Variants in DTNA observed in about 807,000 individuals in gnomAD.
DTNA encodes the protein dystrophin-related protein 3.
Under a neutral mutation model 100.7 loss-of-function variants are expected in DTNA, and 43 were observed. The ratio of observed to expected loss-of-function variants is 0.43; its 90% CI spans 0.33 to 0.55. The LOEUF (loss-of-function observed/expected upper bound fraction) is 0.55, where lower values mean the gene tolerates loss of function less well. Ranked by LOEUF, DTNA falls within the 20% of genes least tolerant of loss-of-function variation. DTNA has a pLI of 0.04. For synonymous variants in DTNA, 349 were observed against 347.9 expected (o/e 1.00, Z -0.04); for missense variants, 798 against 953.9 (o/e 0.84, Z 2.15).
chr18:34,668,794 T>A (rs1478825652), intron 1 of DTNA, among the ~76,000 whole-genome samples: 7 of 151,474 alleles, frequency 4.6e-5, no homozygotes, highest in Non-Finnish European at 1.5e-5. Flanking sequence ...TGAGAGACAG[T>A]TTGTTATAAT....
intron 1 of DTNA, among the ~76,000 whole-genome samples, chr18:34,628,986 T>C (rs1209556194): frequency 2.0e-5 from 3 of 152,168 alleles, no homozygotes; most frequent in Non-Finnish European, 4.4e-5. Flanking sequence ...AATCTAACAC[T>C]GTACCCACAT....
chr18:34,631,187 A>C (rs2058039458), intron 1 of DTNA, among the ~76,000 whole-genome samples: 1 of 152,200 alleles, frequency 6.6e-6, no homozygotes, highest in Admixed American at 6.6e-5. Flanking sequence ...TCAGATTATA[A>C]TTCTACCACT....
intron 1 of DTNA, among the ~76,000 whole-genome samples, chr18:34,711,722 G>A (rs1174079397): frequency 6.6e-5 from 10 of 151,942 alleles, no homozygotes; most frequent in South Asian, 4.1e-4. Flanking sequence ...GATTTTCGTC[G>A]CTATTTCCTT....
At chr18:34,803,083 G>A (rs1405421923) in intron 4 of DTNA, among the ~76,000 whole-genome samples, 1 of 152,116 alleles carries the variant, frequency 6.6e-6, no homozygotes, top group Admixed American at 6.5e-5. Flanking sequence ...TCCAGTGCCT[G>A]GGATAAGCAA....
chr18:34,631,168 C>T (rs528896725), intron 1 of DTNA, among the ~76,000 whole-genome samples: 8 of 152,276 alleles, frequency 5.3e-5, no homozygotes, highest in East Asian at 3.9e-4. Context: ...GCACACGTAG[C>T]GCTTGGGTTC....
chr18:34,586,462 T>C (rs1422091431), intron 1 of DTNA, among the ~76,000 whole-genome samples: 1 of 152,044 alleles, frequency 6.6e-6, no homozygotes, highest in African/African-American at 2.4e-5. Flanking sequence ...CACCCTGTTA[T>C]GAAGCAGCAT....
At chr18:34,549,843 G>T (rs1399447847) in intron 1 of DTNA, among the ~76,000 whole-genome samples, 1 of 151,814 alleles carries the variant, frequency 6.6e-6, no homozygotes, top group Admixed American at 6.6e-5. Context: ...CTTTAAATGG[G>T]CCTCATAAAG....
At chr18:34,869,050 G>A (rs114304686) in intron 17 of DTNA, among the ~76,000 whole-genome samples, 270 of 152,254 alleles carry the variant, frequency 1.8e-3, no homozygotes, top group African/African-American at 6.0e-3. Flanking sequence ...TCTTAGCAAA[G>A]TTACTGGAAT....
At chr18:34,847,434 A>G (rs935400619) in intron 13 of DTNA, among the ~76,000 whole-genome samples, 1 of 152,234 alleles carries the variant, frequency 6.6e-6, no homozygotes, top group Admixed American at 6.5e-5. Context: ...AATTATCCCA[A>G]AAGTTAGTAG....
At chr18:34,592,467 AACACACACACAC>A (rs3078085) in intron 1 of DTNA, among the ~76,000 whole-genome samples, 10 of 139,526 alleles carry the variant, frequency 7.2e-5, no homozygotes, top group East Asian at 4.1e-4. Context: ...ACACTTGTAT[AACACACACACAC>A]ACACACACAC....
At chr18:34,817,808 C>CTG (rs1170424897) in intron 7 of DTNA, among the ~76,000 whole-genome samples, 1 of 152,194 alleles carries the variant, frequency 6.6e-6, no homozygotes, top group Non-Finnish European at 1.5e-5. Context: ...TTCCAGTGAG[C>CTG]TGTGCTGGTC....
At chr18:34,858,461 A>G (rs771531699) in intron 16 of DTNA, 63 bp downstream of exon 16, 26 of 1,543,438 alleles carry the variant, frequency 1.7e-5, no homozygotes, top group Non-Finnish European at 2.3e-5. Context: ...GAGAAAGTCT[A>G]GCAGTGTCTA....
intron 17 of DTNA, among the ~76,000 whole-genome samples, chr18:34,872,660 CCATCACCCTGAGCACCCATA>C (rs1344809874): frequency 1.3e-5 from 2 of 152,202 alleles, no homozygotes; most frequent in African/African-American, 4.8e-5. Context: ...CAAGGCCCTC[CCATCACCCTGAGCACCCATA>C]CATCTTTTCC....
At chr18:34,884,878 A>G (rs1023146802) in intron 22 of DTNA, 102 bp downstream of exon 22, 2 of 1,330,836 alleles carry the variant, frequency 1.5e-6, no homozygotes, top group South Asian at 2.4e-5. Context: ...ATTTCTTTCT[A>G]TGTGATAAAA....
chr18:34,493,865 G>C (rs2144281651), intron 1 of DTNA: 1 of 148,166 alleles, frequency 6.7e-6, no homozygotes, highest in East Asian at 2.0e-4. Context: ...CCACCTGTGC[G>C]CCGGCGCCGG....
chr18:34,702,682 T>C (rs537621931), intron 1 of DTNA, among the ~76,000 whole-genome samples: 1 of 152,302 alleles, frequency 6.6e-6, no homozygotes, highest in Non-Finnish European at 1.5e-5. Flanking sequence ...TCACCCATAA[T>C]AAACACAGCA....
intron 4 of DTNA, among the ~76,000 whole-genome samples, chr18:34,798,716 A>T (rs1361907147): frequency 6.6e-6 from 1 of 152,220 alleles, no homozygotes; most frequent in Non-Finnish European, 1.5e-5. Context: ...TCCTATTTTC[A>T]GAGGTCAAGC....
At chr18:34,785,056 A>G (rs1422578606) in intron 3 of DTNA, among the ~76,000 whole-genome samples, 1 of 151,010 alleles carries the variant, frequency 6.6e-6, no homozygotes, top group East Asian at 2.0e-4. Context: ...CTGGGACTAT[A>G]GGCGCCCACC....
intron 1 of DTNA, among the ~76,000 whole-genome samples, chr18:34,548,635 A>G (rs1222818865): frequency 6.6e-6 from 1 of 152,046 alleles, no homozygotes; most frequent in African/African-American, 2.4e-5. Context: ...CTTCCCTGAC[A>G]CTAAGATTCC....
Sources: gnomAD v4.1 joint callset for allele counts (sites outside exome capture counted in the v4.1 genomes callset) on GRCh38, gnomAD v4.1.1 for gene constraint, MANE v1.5 for transcripts, NCBI Gene and HGNC (gene_info 2026-07-23, HGNC 2026-07-21) for gene names.